Variants in ITGA9 observed in about 807,000 individuals in gnomAD.
The protein encoded by ITGA9 is integrin subunit alpha 9, also known as integrin alpha-9.
A neutral mutation model predicts 127.8 loss-of-function variants in ITGA9; 56 were observed. The ratio of observed to expected loss-of-function variants is 0.44; its 90% CI spans 0.35 to 0.55. The LOEUF (loss-of-function observed/expected upper bound fraction) is 0.55. Among genes scored for constraint, ITGA9 ranks in the 20% least tolerant of loss-of-function variants. ITGA9 has a pLI of 0.00. For synonymous variants in ITGA9, 508 were observed against 514.5 expected (o/e 0.99, Z 0.17); for missense variants, 1,196 against 1,347.1 (o/e 0.89, Z 1.76).
intron 4 of ITGA9, among the ~76,000 whole-genome samples, chr3:37,486,821 C>G (rs1282613810): frequency 6.6e-6 from 1 of 152,200 alleles, no homozygotes; most frequent in Non-Finnish European, 1.5e-5. Context: ...CTGAATTTTA[C>G]TGTGCTTTAA....
At chr3:37,693,829 C>A (rs1022416772) in intron 18 of ITGA9, among the ~76,000 whole-genome samples, 5 of 152,296 alleles carry the variant, frequency 3.3e-5, no homozygotes, top group Admixed American at 6.5e-5. Context: ...CCTTCACTGC[C>A]GCTTTCATTC....
chr3:37,564,051 A>G (rs1005120048), intron 15 of ITGA9, among the ~76,000 whole-genome samples: 7 of 152,284 alleles, frequency 4.6e-5, no homozygotes, highest in Non-Finnish European at 8.8e-5. Flanking sequence ...AATTGAATTT[A>G]ACGCAGGCTT....
At chr3:37,660,548 C>CT (rs1407077164) in intron 17 of ITGA9, among the ~76,000 whole-genome samples, 5 of 152,170 alleles carry the variant, frequency 3.3e-5, no homozygotes, top group African/African-American at 1.2e-4. Context: ...TCCACTGCCC[C>CT]AGTCTGGCCT....
At chr3:37,512,999 T>C (rs1483272830) in intron 8 of ITGA9, among the ~76,000 whole-genome samples, 2 of 152,262 alleles carry the variant, frequency 1.3e-5, no homozygotes, top group Admixed American at 6.5e-5. Flanking sequence ...TCTTAAAAGT[T>C]GTACCTTTTT....
intron 20 of ITGA9, among the ~76,000 whole-genome samples, chr3:37,738,981 T>G (rs1372494981): frequency 1.3e-5 from 2 of 152,212 alleles, no homozygotes; most frequent in Admixed American, 1.3e-4. Flanking sequence ...ATGCCTGATC[T>G]ATCCCCAGAG....
intron 3 of ITGA9, among the ~76,000 whole-genome samples, chr3:37,479,004 C>T (rs1165828469): frequency 6.6e-6 from 1 of 152,172 alleles, no homozygotes; most frequent in Non-Finnish European, 1.5e-5. Flanking sequence ...CCATGATAAA[C>T]ATCCGCCTCT....
intron 18 of ITGA9, among the ~76,000 whole-genome samples, chr3:37,726,985 C>T (rs1029598950): frequency 6.6e-6 from 1 of 152,150 alleles, no homozygotes; most frequent in African/African-American, 2.4e-5. Flanking sequence ...GCATTTAATA[C>T]ACTCAGCCTA....
intron 25 of ITGA9, among the ~76,000 whole-genome samples, chr3:37,783,884 A>G (rs370817221): frequency 4.6e-5 from 7 of 152,366 alleles, no homozygotes; most frequent in African/African-American, 1.7e-4. Context: ...TATACAGACC[A>G]GGGTCCCTGT....
At chr3:37,456,426 G>A (rs1034345683) in intron 1 of ITGA9, among the ~76,000 whole-genome samples, 4 of 152,104 alleles carry the variant, frequency 2.6e-5, no homozygotes, top group East Asian at 3.9e-4. Context: ...GACATGGACC[G>A]GTTACTCAGC....
intron 26 of ITGA9, chr3:37,790,350 C>G (rs1308166422): frequency 5.7e-6 from 3 of 522,490 alleles, no homozygotes; most frequent in Non-Finnish European, 1.2e-5. Context: ...TAGAGGGGTG[C>G]CTGGGAGCAG....
chr3:37,568,020 A>G (rs1699564532), intron 15 of ITGA9, among the ~76,000 whole-genome samples: 1 of 152,166 alleles, frequency 6.6e-6, no homozygotes. Flanking sequence ...CTCTGACCCC[A>G]CATTTCCCTT....
intron 17 of ITGA9, among the ~76,000 whole-genome samples, chr3:37,663,250 T>C (rs1700555101): frequency 6.6e-6 from 1 of 152,196 alleles, no homozygotes; most frequent in Admixed American, 6.5e-5. Flanking sequence ...AAGCATCACA[T>C]ATGATAAAGA....
At chr3:37,748,421 G>C (rs953451518) in intron 22 of ITGA9, 2 of 592,984 alleles carry the variant, frequency 3.4e-6, no homozygotes, top group Non-Finnish European at 6.3e-6. Context: ...AGCCAAGATA[G>C]CTTCCTGAAA....
At chr3:37,758,032 G>C (rs1034444017) in intron 23 of ITGA9, among the ~76,000 whole-genome samples, 4 of 151,710 alleles carry the variant, frequency 2.6e-5, no homozygotes, top group African/African-American at 9.7e-5. Context: ...TAAATAAATT[G>C]CAAATTGAGG....
At chr3:37,694,133 G>A (rs4678993) in intron 18 of ITGA9, among the ~76,000 whole-genome samples, 45 of 152,178 alleles carry the variant, frequency 3.0e-4, no homozygotes, top group Non-Finnish European at 5.1e-4. Flanking sequence ...AGCCTCACCT[G>A]GCTGGAAGCC....
intron 15 of ITGA9, among the ~76,000 whole-genome samples, chr3:37,552,163 T>C (rs1396105910): frequency 6.6e-6 from 1 of 152,046 alleles, no homozygotes; most frequent in Admixed American, 6.5e-5. Context: ...CAGTGACGCG[T>C]CGGTGCAGAG....
chr3:37,650,381 G>A (rs560492999), intron 16 of ITGA9, among the ~76,000 whole-genome samples: 1 of 152,108 alleles, frequency 6.6e-6, no homozygotes, highest in Non-Finnish European at 1.5e-5. Flanking sequence ...CCTGCACAGA[G>A]GTAAATTCAC....
intron 1 of ITGA9, among the ~76,000 whole-genome samples, chr3:37,456,795 A>T (rs913828680): frequency 7.2e-5 from 11 of 152,268 alleles, no homozygotes; most frequent in African/African-American, 2.4e-4. Context: ...GTTGAGAATT[A>T]AAAGAACAAG....
chr3:37,789,379 A>T (rs1237518902), intron 26 of ITGA9, among the ~76,000 whole-genome samples: 2 of 152,214 alleles, frequency 1.3e-5, no homozygotes, highest in Admixed American at 1.3e-4. Flanking sequence ...TGACATGTAC[A>T]TATAAAATAT....
Sources: allele counts gnomAD v4.1 joint callset (sites outside exome capture counted in the v4.1 genomes callset), GRCh38; gene constraint gnomAD v4.1.1; transcripts MANE v1.5; gene names NCBI Gene and HGNC (gene_info 2026-07-23, HGNC 2026-07-21).